The following TIPIN variants were observed in gnomAD, a reference collection of about 807,000 sequenced individuals.
TIPIN encodes the protein TIMELESS interacting protein.
A neutral mutation model predicts 35.6 loss-of-function variants in TIPIN; 29 were observed. That is an observed-to-expected ratio of 0.82 (90% CI 0.61 to 1.11). TIPIN has a LOEUF of 1.11. Ranked by LOEUF, TIPIN falls within the 50% of genes most tolerant of loss-of-function variation. TIPIN has a pLI of 0.00. For missense variants in TIPIN, 296 were observed against 345.4 expected (o/e 0.86, Z 1.13); for synonymous variants, 102 against 121.5 (o/e 0.84, Z 1.06).
chr15:66,352,774 C>A, intron 2 of TIPIN, 41 bp downstream of exon 2: 1 of 1,561,430 alleles, frequency 6.4e-7, no homozygotes, highest in Non-Finnish European at 8.7e-7. Context: ...AGCCACCGTG[C>A]CTGGCCTCAC....
chr15:66,340,170 C>CTTTTT lies in TIPIN; in HGVS notation c.682+979_682+980insAAAAA, dbSNP rs1566970488. On this transcript the variant is annotated intron_variant, in intron 7 of 7. Coordinates refer to ENST00000261881, the MANE Select transcript of TIPIN (RefSeq NM_017858.3). ...TACAGGCGTGAGCCACTGCGCCTGG[C>CTTTTT]CTTTTTTTTTTTTTTTTTTTTTTTG... is the stretch of plus-strand genomic sequence containing the variant. Among the ~76,000 whole-genome samples, 5 of 113,884 alleles carry CTTTTT rather than the reference C, an allele frequency of 4.4e-5. 1 individual carries two copies. Among genetic ancestry groups the CTTTTT allele is most frequent in the African/African-American group, 1.8e-4 (5 of 27,728 alleles). The allele number at this position is 113,884 out of a possible 152,430, so 74.7% of individuals were successfully genotyped here. A position where few individuals can be genotyped will look rare whatever the true frequency, so the allele number is the denominator to read the frequency against.
chr15:66,359,441 G>A (rs1444148069), upstream of TIPIN, among the ~76,000 whole-genome samples: 2 of 152,102 alleles, frequency 1.3e-5, no homozygotes, highest in East Asian at 3.9e-4. Flanking sequence ...AATCTCCTGG[G>A]TTCAAGAGAT....
At chr15:66,344,458 T>TA (rs2093109733) in intron 6 of TIPIN, among the ~76,000 whole-genome samples, 1 of 152,104 alleles carries the variant, frequency 6.6e-6, no homozygotes, top group Non-Finnish European at 1.5e-5. Flanking sequence ...AACTACTTTT[T>TA]ATGAACCAAG....
At chr15:66,383,058 A>G in intron 1 of TIPIN, 1 of 942,496 alleles carries the variant, frequency 1.1e-6, no homozygotes. Flanking sequence ...CTTAGGGTTT[A>G]CTCAGTGGAG....
chr15:66,342,980 T>C (rs529191652), intron 6 of TIPIN, among the ~76,000 whole-genome samples: 133 of 152,336 alleles, frequency 8.7e-4, no homozygotes, highest in South Asian at 6.6e-3. Context: ...AACTGTCCCT[T>C]GTCCTTATGA....
intron 6 of TIPIN, among the ~76,000 whole-genome samples, chr15:66,343,444 T>TA (rs940081305): frequency 6.6e-6 from 1 of 152,134 alleles, no homozygotes; most frequent in African/African-American, 2.4e-5. Context: ...CTATCACAAT[T>TA]AAAAAAACAT....
At chr15:66,382,858 T>C (rs775716273) in intron 1 of TIPIN, 22 of 679,264 alleles carry the variant, frequency 3.2e-5, no homozygotes, top group Non-Finnish European at 4.0e-5. Flanking sequence ...CATACACATA[T>C]AGTTCAGTCT....
chr15:66,380,271 C>T (rs573788875), intron 1 of TIPIN, among the ~76,000 whole-genome samples: 28 of 151,744 alleles, frequency 1.8e-4, no homozygotes, highest in South Asian at 4.2e-4. Flanking sequence ...TCCCAAAGTG[C>T]TGGGATTACA....
intron 1 of TIPIN, among the ~76,000 whole-genome samples, chr15:66,376,714 C>T (rs1335064520): frequency 6.6e-6 from 1 of 151,788 alleles, no homozygotes; most frequent in East Asian, 2.0e-4. Context: ...CAGGCATGAG[C>T]CACCGTGCCC....
intron 4 of TIPIN, 81 bp downstream of exon 4, chr15:66,351,444 G>T: frequency 1.9e-6 from 2 of 1,036,710 alleles, no homozygotes; most frequent in South Asian, 1.3e-5. Context: ...AAAGCATTCT[G>T]AGATTTCCAA....
rs62627279 is a variant in TIPIN, at chr15:66,351,875, G to A, written c.212+254C>T. ...AGGATGGTCTCAATCTCCTGACCTCGTGATCCGCCCACGTAGGCCTCCCAA... is the reference window on the plus strand; with the variant it reads ...AGGATGGTCTCAATCTCCTGACCTCATGATCCGCCCACGTAGGCCTCCCAA... On this transcript the variant is annotated intron_variant, in intron 3 of 7. Transcript: ENST00000261881. Among the ~76,000 whole-genome samples, 1,485 of 152,152 alleles carry A rather than the reference G, an allele frequency of 9.8e-3. 54 individuals carry two copies. The highest frequency in any genetic ancestry group is 0.062 in the Admixed American group (938 of 15,242).
intron 6 of TIPIN, among the ~76,000 whole-genome samples, chr15:66,341,884 C>T (rs940433249): frequency 6.6e-6 from 1 of 151,784 alleles, no homozygotes; most frequent in Non-Finnish European, 1.5e-5. Flanking sequence ...AATAAAAATA[C>T]AATTTAAAAT....
chr15:66,365,392 T>C (rs1595811969), intron 1 of TIPIN, among the ~76,000 whole-genome samples: 2 of 152,356 alleles, frequency 1.3e-5, no homozygotes, highest in East Asian at 3.9e-4. Flanking sequence ...GAAGTTACCC[T>C]ATATAGTCTA....
intron 6 of TIPIN, among the ~76,000 whole-genome samples, chr15:66,344,955 T>C (rs952625500): frequency 2.6e-4 from 40 of 152,186 alleles, no homozygotes; most frequent in African/African-American, 9.4e-4. Context: ...GGCAAGTGAT[T>C]ATGGCAAAGA....
At chr15:66,359,649 T>G (rs1595807368), upstream of TIPIN, among the ~76,000 whole-genome samples, 1 of 152,268 alleles carries the variant, frequency 6.6e-6, no homozygotes, top group Middle Eastern at 3.4e-3. Context: ...TCACCAGGCC[T>G]AAAAGTTACA....
chr15:66,371,154 T>C lies in TIPIN; in HGVS notation c.-9+15453A>G, dbSNP rs538275979. 15 of 845,062 alleles carry C rather than the reference T, an allele frequency of 1.8e-5. No homozygotes were observed. The South Asian group carries it at 7.1e-4, about 40-fold the overall frequency. The allele number at this position is 845,062 out of a possible 1,614,324, so 52.3% of individuals were successfully genotyped here. A position where few individuals can be genotyped will look rare whatever the true frequency, so the allele number is the denominator to read the frequency against. On this transcript the variant is annotated intron_variant, in intron 1 of 7. Transcript: ENST00000562124. ...TGAGCCCAGGAGGCAGAGGTTGCAG[T>C]GAGCTGAGATCTCGCCATTGCACTG... is the stretch of plus-strand genomic sequence containing the variant.
intron 1 of TIPIN, chr15:66,382,900 A>G: frequency 1.0e-6 from 1 of 970,004 alleles, no homozygotes; most frequent in African/African-American, 1.8e-5. Context: ...CACTTATGTT[A>G]GGCCCTCAGG....
At chr15:66,344,671 G>A (rs985432476) in intron 6 of TIPIN, among the ~76,000 whole-genome samples, 1 of 149,350 alleles carries the variant, frequency 6.7e-6, no homozygotes, top group Non-Finnish European at 1.5e-5. Flanking sequence ...CAAAACATAG[G>A]GAGACCCTTT....
At position 66,352,254 on chromosome 15, in the gene TIPIN, G is replaced by A. The variant is rs767213793; in HGVS notation, c.134-47C>T. 4.4e-6 allele frequency: 6 copies of A among 1,373,056 alleles called. No individual in the cohort carries two copies. The African/African-American group carries it at 5.9e-5, about 14-fold the overall frequency. 85.1% of individuals were successfully genotyped at this position (1,373,056 alleles called of 1,614,324 possible). A position where few individuals can be genotyped will look rare whatever the true frequency, so the allele number is the denominator to read the frequency against. ...CAGTATTACTGTACTTAAATGATTT[G>A]TATTATTTATTATGTATCATTTCCA... On this transcript the variant is annotated intron_variant, in intron 2 of 7. Transcript: ENST00000261881.
Sources: allele counts gnomAD v4.1 joint callset (sites outside exome capture counted in the v4.1 genomes callset), GRCh38; gene constraint gnomAD v4.1.1; transcripts MANE v1.5; gene names NCBI Gene and HGNC (gene_info 2026-07-23, HGNC 2026-07-21).